The following DAW1 variants were observed in gnomAD, a reference collection of about 807,000 sequenced individuals.
DAW1 encodes the protein dynein assembly factor with WD repeat domains 1.
A neutral mutation model predicts 56.5 loss-of-function variants in DAW1; 47 were observed. That is an observed-to-expected ratio of 0.83 (90% CI 0.66 to 1.06). DAW1 has a LOEUF of 1.06. DAW1 is among the 50% of genes least tolerant of loss of function. DAW1 has a pLI of 0.00. For synonymous variants in DAW1, 190 were observed against 179.0 expected (o/e 1.06, Z -0.49); for missense variants, 505 against 499.3 (o/e 1.01, Z -0.11).
intron 1 of DAW1, among the ~76,000 whole-genome samples, chr2:227,883,004 G>C (rs1691046061): frequency 6.6e-6 from 1 of 152,124 alleles, no homozygotes; most frequent in Non-Finnish European, 1.5e-5. Context: ...AACTAATACA[G>C]TTGTCTTAAG....
intron 10 of DAW1, among the ~76,000 whole-genome samples, chr2:227,909,424 T>G (rs1347424645): frequency 6.7e-6 from 1 of 148,836 alleles, no homozygotes; most frequent in Non-Finnish European, 1.5e-5. Context: ...ATAGTATATA[T>G]AGTATATAAC....
chr2:227,917,461 C>T (rs1166069142), intron 10 of DAW1, among the ~76,000 whole-genome samples: 2 of 152,136 alleles, frequency 1.3e-5, no homozygotes, highest in Non-Finnish European at 1.5e-5. Flanking sequence ...GGGGTTTCAC[C>T]GTGTTAGCCA....
rs111488110 is a variant in DAW1 at position 227,906,417 on chromosome 2, A to G, written c.858+79A>G. On this transcript the variant is annotated intron_variant, in intron 9 of 12. Transcript: ENST00000309931. ...GTGTCAGATATCCATTGTAACATTAACAGATTTCAAAGATGATATAAAATT... is the reference window on the plus strand; with the variant it reads ...GTGTCAGATATCCATTGTAACATTAGCAGATTTCAAAGATGATATAAAATT... The G allele has an allele frequency of 1.0e-3, 902 of 905,760 alleles. 8 individuals are homozygous for G. In the African/African-American group the frequency reaches 0.014, roughly 14 times the overall value. The allele number at this position is 905,760 out of a possible 1,614,324, so 56.1% of individuals were successfully genotyped here. A position where few individuals can be genotyped will look rare whatever the true frequency, so the allele number is the denominator to read the frequency against.
At chr2:227,874,633 T>C (rs1221890595) in intron 1 of DAW1, among the ~76,000 whole-genome samples, 2 of 152,162 alleles carry the variant, frequency 1.3e-5, no homozygotes, top group Non-Finnish European at 2.9e-5. Context: ...TTCTTTTTGA[T>C]TATTTAATGT....
chr2:227,903,112 A>T lies in DAW1; in HGVS notation c.648+3A>T. ...GCGAGGAAGTTTACACCTTAAGAGT[A>T]TGTCAATAATGTTAATAAGCCTGTT... On this transcript the variant is annotated splice_donor_region_variant and intron_variant, in intron 7 of 12. Coordinates refer to ENST00000309931, the MANE Select transcript of DAW1 (RefSeq NM_178821.3). 6.2e-7 allele frequency: 1 copy of T among 1,611,944 alleles called. No individual in the cohort carries two copies. Among genetic ancestry groups the T allele is most frequent in the South Asian group, 1.1e-5 (1 of 90,864 alleles).
rs770424222 is a variant in DAW1 at position 227,904,965 on chromosome 2, A to G, written c.685A>G (p.Thr229Ala). 25 of 1,613,560 alleles carry G rather than the reference A, an allele frequency of 1.5e-5. No individual in the cohort carries two copies. The South Asian group carries it at 2.6e-4, about 17-fold the overall frequency. ...CGAAATCATCTCCTTGTCATTTAAC[A>G]CCTCAGGAGACAGAATCATCACGGG... The part of the protein sequence containing the change: ...SAEIISLSFN[T>A]SGDRIITGSF... The change falls in exon 8 of 13, where the codon ACC (threonine) becomes GCC (alanine). Residue 229 changes from threonine (T) to alanine (A), a missense_variant. By Grantham distance (58) the Thr-to-Ala change is moderately conservative (BLOSUM62 0). Transcript: ENST00000309931.
intron 6 of DAW1, among the ~76,000 whole-genome samples, chr2:227,898,840 T>C: frequency 6.6e-6 from 1 of 152,294 alleles, no homozygotes; most frequent in East Asian, 1.9e-4. Flanking sequence ...ATATGATAAA[T>C]TTATAAATAT....
chr2:227,906,323 G>A lies in DAW1; in HGVS notation c.843G>A (p.Met281Ile), dbSNP rs1203464369. Residue 281 changes from methionine (M) to isoleucine (I), a missense_variant, in exon 9 of 13, where the codon ATG (methionine) becomes ATA (isoleucine). By Grantham distance (10) the Met-to-Ile change is conservative (BLOSUM62 1). Transcript: ENST00000309931. Reference protein sequence around the residue: ...WDCSLILTGSMDKTCKLWDAT... With the variant: ...WDCSLILTGSIDKTCKLWDAT... Reference sequence around the variant, plus strand: ...GCTCTCTAATATTAACTGGCTCTATGGACAAAACCTGCAAGGTGAGCAAAA... The same window carrying A: ...GCTCTCTAATATTAACTGGCTCTATAGACAAAACCTGCAAGGTGAGCAAAA... 4 of 1,609,426 alleles carry A rather than the reference G, an allele frequency of 2.5e-6. No homozygotes were observed. The highest frequency in any genetic ancestry group is 2.5e-6 in the Non-Finnish European group (3 of 1,177,112).
chr2:227,915,531 T>C (rs560044323), intron 10 of DAW1, among the ~76,000 whole-genome samples: 1 of 152,236 alleles, frequency 6.6e-6, no homozygotes, highest in African/African-American at 2.4e-5. Context: ...CTATGTCTTT[T>C]CTGCAATGAC....
chr2:227,910,729 A>G (rs186910085), intron 10 of DAW1, among the ~76,000 whole-genome samples: 3 of 152,282 alleles, frequency 2.0e-5, no homozygotes, highest in African/African-American at 7.2e-5. Flanking sequence ...TACAAATATG[A>G]TACTACACTA....
At chr2:227,906,397 A>C in intron 9 of DAW1, 59 bp downstream of exon 9, 1 of 1,124,580 alleles carries the variant, frequency 8.9e-7, no homozygotes. Flanking sequence ...TTACTGTGTC[A>C]GATATCCATT....
intron 10 of DAW1, among the ~76,000 whole-genome samples, chr2:227,908,319 T>C (rs1343403988): frequency 1.3e-5 from 2 of 152,208 alleles, no homozygotes; most frequent in Non-Finnish European, 2.9e-5. Flanking sequence ...TCATATATGA[T>C]GCAAAACCAT....
intron 7 of DAW1, among the ~76,000 whole-genome samples, chr2:227,903,333 A>G (rs113874129): frequency 2.0e-5 from 3 of 152,276 alleles, no homozygotes; most frequent in African/African-American, 7.2e-5. Flanking sequence ...TGCAAAACAC[A>G]TAAACTATAT....
rs115282501 is a variant in DAW1, at chr2:227,912,690, C to A, written c.973+5438C>A. Among the ~76,000 whole-genome samples, 479 of 152,248 alleles carry A rather than the reference C, an allele frequency of 3.1e-3. 2 individuals carry two copies. Among genetic ancestry groups the A allele is most frequent in the Non-Finnish European group, 5.2e-3 (354 of 68,030 alleles). Reference sequence around the variant, plus strand: ...CACCTTGTTGAAAACCATACATAAGCTATACTGCTGTCATCCCCTACCTGT... The same window carrying A: ...CACCTTGTTGAAAACCATACATAAGATATACTGCTGTCATCCCCTACCTGT... On this transcript the variant is annotated intron_variant, in intron 10 of 12. Coordinates refer to ENST00000309931, the MANE Select transcript of DAW1 (RefSeq NM_178821.3).
chr2:227,904,283 T>C (rs987115365), intron 7 of DAW1, among the ~76,000 whole-genome samples: 1 of 152,236 alleles, frequency 6.6e-6, no homozygotes, highest in Non-Finnish European at 1.5e-5. Flanking sequence ...CTTATGTTAA[T>C]TTACTAAAAT....
chr2:227,910,232 G>C (rs566286211), intron 10 of DAW1, among the ~76,000 whole-genome samples: 28 of 152,092 alleles, frequency 1.8e-4, no homozygotes, highest in Admixed American at 3.9e-4. Context: ...TTGGAGGATC[G>C]CTTGAGGCCA....
intron 7 of DAW1, 127 bp downstream of exon 7, chr2:227,903,236 C>T (rs1691590397): frequency 2.1e-6 from 2 of 934,174 alleles, no homozygotes; most frequent in African/African-American, 1.7e-5. Context: ...GAAAGAGTGT[C>T]CCTACTGGTT....
chr2:227,878,939 C>T (rs1690947981), intron 1 of DAW1, among the ~76,000 whole-genome samples: 1 of 151,768 alleles, frequency 6.6e-6, no homozygotes, highest in Admixed American at 6.6e-5. Flanking sequence ...AGGCATGCCA[C>T]CACACTTGGC....
chr2:227,920,241 G>A (rs1348699694), intron 11 of DAW1, among the ~76,000 whole-genome samples: 3 of 152,158 alleles, frequency 2.0e-5, no homozygotes, highest in Non-Finnish European at 4.4e-5. Context: ...ATTGGCATCT[G>A]GTAAGGGCAT....
Sources: gnomAD v4.1 joint callset for allele counts (sites outside exome capture counted in the v4.1 genomes callset) on GRCh38, gnomAD v4.1.1 for gene constraint, MANE v1.5 for transcripts, NCBI Gene and HGNC (gene_info 2026-07-23, HGNC 2026-07-21) for gene names.